Variants in TLE4 observed in about 807,000 individuals in gnomAD.
The protein encoded by TLE4 is TLE family member 4, transcriptional corepressor, also known as transducin-like enhancer protein 4.
In TLE4, 8 loss-of-function variants were observed where a neutral mutation model predicts 92.8. The ratio of observed to expected loss-of-function variants is 0.09; its 90% CI spans 0.05 to 0.16. The LOEUF (loss-of-function observed/expected upper bound fraction) is 0.16, where lower values mean the gene tolerates loss of function less well. Among genes scored for constraint, TLE4 ranks in the 10% least tolerant of loss-of-function variants. TLE4 has a pLI of 1.00. For synonymous variants in TLE4, 371 were observed against 374.1 expected (o/e 0.99, Z 0.10); for missense variants, 675 against 997.6 (o/e 0.68, Z 4.36).
At chr9:79,685,382 C>T (rs1184958380) in intron 8 of TLE4, among the ~76,000 whole-genome samples, 1 of 151,984 alleles carries the variant, frequency 6.6e-6, no homozygotes, top group Non-Finnish European at 1.5e-5. Context: ...AGAGCTTGGG[C>T]ATGTGTGGTA....
intron 4 of TLE4, among the ~76,000 whole-genome samples, chr9:79,606,079 C>T (rs2046778459): frequency 6.6e-6 from 1 of 150,938 alleles, no homozygotes; most frequent in African/African-American, 2.4e-5. Flanking sequence ...TTAAAAACAG[C>T]AAGTCTTAGT....
chr9:79,609,650 T>G (rs1281617847), intron 4 of TLE4, among the ~76,000 whole-genome samples: 2 of 152,092 alleles, frequency 1.3e-5, no homozygotes, highest in African/African-American at 4.8e-5. Flanking sequence ...AATTGTCCTT[T>G]TATTGGGGCT....
At chr9:79,708,887 A>G (rs2072465381) in intron 13 of TLE4, 101 bp downstream of exon 13, 2 of 1,391,948 alleles carry the variant, frequency 1.4e-6, no homozygotes, top group Non-Finnish European at 1.9e-6. Context: ...CCTGGAGTGC[A>G]GTGGCATGAT....
At chr9:79,693,741 A>G (rs979688287) in intron 8 of TLE4, 10 of 474,642 alleles carry the variant, frequency 2.1e-5, no homozygotes, top group Middle Eastern at 3.4e-4. Context: ...TAAAAAGTGC[A>G]TCATGTCCTT....
At chr9:79,676,533 AG>A in intron 8 of TLE4, among the ~76,000 whole-genome samples, 1 of 152,288 alleles carries the variant, frequency 6.6e-6, no homozygotes, top group East Asian at 1.9e-4. Context: ...GCAGGGAAAA[AG>A]GGAATGGAAT....
intron 8 of TLE4, among the ~76,000 whole-genome samples, chr9:79,660,479 T>A (rs958765246): frequency 2.6e-5 from 4 of 152,240 alleles, no homozygotes; most frequent in Non-Finnish European, 4.4e-5. Flanking sequence ...ACGTTATAAC[T>A]CTTTCAATTT....
chr9:79,577,133 T>G (rs1019705542), intron 4 of TLE4, among the ~76,000 whole-genome samples: 30 of 152,166 alleles, frequency 2.0e-4, no homozygotes, highest in Admixed American at 8.5e-4. Flanking sequence ...AGGGAAAACT[T>G]ACTGCTTTTC....
At chr9:79,619,454 T>C (rs1006041264) in intron 5 of TLE4, among the ~76,000 whole-genome samples, 20 of 152,182 alleles carry the variant, frequency 1.3e-4, no homozygotes, top group Non-Finnish European at 2.6e-4. Flanking sequence ...ATGAAGAAAA[T>C]ACAGTGGTTA....
intron 4 of TLE4, among the ~76,000 whole-genome samples, chr9:79,608,942 G>C (rs2047725087): frequency 6.6e-6 from 1 of 152,000 alleles, no homozygotes; most frequent in African/African-American, 2.4e-5. Context: ...ATTGTATCAG[G>C]TCTATTTCAG....
intron 5 of TLE4, among the ~76,000 whole-genome samples, chr9:79,625,014 CTTTTTTTTTTTTT>C (rs34968887): frequency 1.3e-5 from 1 of 79,948 alleles, no homozygotes. Context: ...TATTTCTTTT[CTTTTTTTTTTTTT>C]TTTTTTTTTT....
At chr9:79,685,094 G>A (rs1032172978) in intron 8 of TLE4, among the ~76,000 whole-genome samples, 1 of 152,080 alleles carries the variant, frequency 6.6e-6, no homozygotes, top group African/African-American at 2.4e-5. Flanking sequence ...CCATCTGACT[G>A]CTTCATGAGA....
rs1165416440 is a variant in TLE4, at chr9:79,572,539, C to A, written c.-252C>A. On this transcript the variant is annotated 5_prime_UTR_variant, in exon 1 of 20. Coordinates refer to ENST00000376552, the MANE Select transcript of TLE4 (RefSeq NM_007005.6). ...CGTCGGAGCGTTGCCTTGGGAGACG[C>A]GCGCCGGACAATGCCCGCGGCGGGC... is the stretch of plus-strand genomic sequence containing the variant. 6.1e-6 allele frequency: 1 copy of A among 165,166 alleles called. No homozygotes were observed. The highest frequency in any genetic ancestry group is 1.3e-5 in the Non-Finnish European group (1 of 77,448). The allele number at this position is 165,166 out of a possible 1,614,324, so 10.2% of individuals were successfully genotyped here.
intron 5 of TLE4, among the ~76,000 whole-genome samples, chr9:79,625,519 A>G (rs2052384492): frequency 6.6e-6 from 1 of 152,102 alleles, no homozygotes; most frequent in African/African-American, 2.4e-5. Context: ...ATTGTTGAGT[A>G]TAGGAAAGTA....
At chr9:79,674,239 T>A (rs2062874220) in intron 8 of TLE4, among the ~76,000 whole-genome samples, 1 of 152,122 alleles carries the variant, frequency 6.6e-6, no homozygotes, top group South Asian at 2.1e-4. Context: ...ATTAGCACTG[T>A]GGGTGCATAT....
intron 8 of TLE4, among the ~76,000 whole-genome samples, chr9:79,687,990 A>G (rs554761578): frequency 6.6e-6 from 1 of 152,164 alleles, no homozygotes; most frequent in Non-Finnish European, 1.5e-5. Context: ...AGTGGACCAC[A>G]CTTTTTTGAG....
chr9:79,724,050 A>ATATGGTATACAAAATTC (rs2076056125), intron 19 of TLE4, among the ~76,000 whole-genome samples: 1 of 152,232 alleles, frequency 6.6e-6, no homozygotes. Flanking sequence ...CTACAGTTGA[A>ATATGGTATACAAAATTC]TATGGTATAC....
chr9:79,717,918 C>T (rs1269794427), intron 14 of TLE4: 7 of 454,528 alleles, frequency 1.5e-5, no homozygotes, highest in South Asian at 4.7e-5. Flanking sequence ...CAGCCTCACT[C>T]GTCCCTTCCT....
At chr9:79,589,748 G>T (rs1366374462) in intron 4 of TLE4, among the ~76,000 whole-genome samples, 1 of 152,122 alleles carries the variant, frequency 6.6e-6, no homozygotes, top group Admixed American at 6.5e-5. Context: ...CACCAGTCTG[G>T]TTGGTACCAA....
chr9:79,708,805 CA>C lies in TLE4; in HGVS notation c.1263+22del, dbSNP rs764668773. On this transcript the variant is annotated intron_variant, in intron 13 of 19. Coordinates refer to ENST00000376552, the MANE Select transcript of TLE4 (RefSeq NM_007005.6). ...ACCAGTGGTGCGTTTGTGAGCTTCA[CA>C]AATAATATTTTAGCACACGGAGGAT... The C allele has an allele frequency of 1.9e-6, 3 of 1,593,548 alleles. No individual in the cohort carries two copies. The African/African-American group carries it at 4.0e-5, about 21-fold the overall frequency.
Sources: allele counts gnomAD v4.1 joint callset (sites outside exome capture counted in the v4.1 genomes callset), GRCh38; gene constraint gnomAD v4.1.1; transcripts MANE v1.5; gene names NCBI Gene and HGNC (gene_info 2026-07-23, HGNC 2026-07-21).